ANXA7: variants seen among roughly 807,000 people sequenced by gnomAD.
ANXA7 encodes the protein annexin VII.
A neutral mutation model predicts 64.9 loss-of-function variants in ANXA7; 55 were observed. The observed-to-expected ratio is 0.85, with a 90% CI of 0.68 to 1.06. The LOEUF is 1.06. ANXA7 is among the 50% of genes least tolerant of loss of function. The probability of loss-of-function intolerance (pLI) is 0.00; values close to 1 mark genes in which losing one functional copy is unlikely to be tolerated. For synonymous variants in ANXA7, 200 were observed against 192.4 expected, an observed-to-expected ratio of 1.04 and a Z score of -0.33; for missense variants, 548 against 582.1, an observed-to-expected ratio of 0.94 and a Z score of 0.60.
At chr10:73,378,442 G>C (rs900039460) in intron 12 of ANXA7, among the ~76,000 whole-genome samples, 21 of 149,758 alleles carry the variant, frequency 1.4e-4, no homozygotes, top group African/African-American at 5.2e-4. Context: ...TTTTTTGTAA[G>C]TGGAGTAAAT....
At chr10:73,378,816 C>A in intron 12 of ANXA7, 95 bp downstream of exon 12, 1 of 874,408 alleles carries the variant, frequency 1.1e-6, no homozygotes, top group South Asian at 1.5e-5. Context: ...TCTTTCTTAT[C>A]ATTTTTGAGG....
chr10:73,409,148 G>T (rs940801378), intron 1 of ANXA7, among the ~76,000 whole-genome samples: 9 of 152,190 alleles, frequency 5.9e-5, no homozygotes, highest in Non-Finnish European at 8.8e-5. Flanking sequence ...ATTCGACATA[G>T]TTCTGGAAGT....
chr10:73,377,069 A>T (rs1207512541), intron 12 of ANXA7, among the ~76,000 whole-genome samples: 2 of 152,214 alleles, frequency 1.3e-5, no homozygotes, highest in Non-Finnish European at 2.9e-5. Flanking sequence ...AAGTTGAAAA[A>T]ACATCTGAAG....
chr10:73,401,072 A>G (rs1008216376), intron 1 of ANXA7, among the ~76,000 whole-genome samples: 3 of 151,790 alleles, frequency 2.0e-5, no homozygotes, highest in Admixed American at 1.3e-4. Flanking sequence ...TGCCCAGCTA[A>G]TTTTTATATT....
chr10:73,401,247 A>T lies in ANXA7; in HGVS notation c.-1-390T>A, dbSNP rs1589662333. The stretch of plus-strand genomic sequence containing the variant: ...TTAAGGCCTTTGAAAACATACAGAT[A>T]TACACACACATACACAACACACACA... On this transcript the variant is annotated intron_variant, in intron 1 of 12. Transcript: ENST00000372921. Among the ~76,000 whole-genome samples, 3 of 140,784 alleles carry T rather than the reference A, an allele frequency of 2.1e-5. No homozygotes were observed. In the East Asian group the frequency reaches 6.6e-4, roughly 31 times the overall value. 92.4% of individuals were successfully genotyped at this position (140,784 alleles called of 152,430 possible).
chr10:73,395,126 A>G (rs1171688768), intron 5 of ANXA7, among the ~76,000 whole-genome samples: 4 of 152,230 alleles, frequency 2.6e-5, no homozygotes, highest in African/African-American at 4.8e-5. Flanking sequence ...GCAACTTTGT[A>G]TAAGAGAGAG....
chr10:73,390,641 C>T (rs1342053331), intron 5 of ANXA7, among the ~76,000 whole-genome samples: 2 of 147,796 alleles, frequency 1.4e-5, no homozygotes, highest in African/African-American at 2.5e-5. Context: ...ATAAACTAAC[C>T]CTCACTGTGT....
intron 6 of ANXA7, 117 bp from the exon 7 acceptor site, chr10:73,387,900 C>T: frequency 1.3e-6 from 1 of 787,472 alleles, no homozygotes; most frequent in South Asian, 1.6e-5. Context: ...ACTGGGGGTG[C>T]AAGTGCAATG....
intron 12 of ANXA7, among the ~76,000 whole-genome samples, chr10:73,377,932 C>A (rs527294474): frequency 7.9e-6 from 1 of 126,732 alleles, no homozygotes; most frequent in Non-Finnish European, 1.7e-5. Context: ...TGTGTGTGTG[C>A]GCGCGCGTGT....
chr10:73,413,133 A>C (rs1458395405), intron 1 of ANXA7, among the ~76,000 whole-genome samples: 1 of 152,334 alleles, frequency 6.6e-6, no homozygotes, highest in African/African-American at 2.4e-5. Context: ...CTGCACGGAC[A>C]GGTAGGTAGC....
intron 9 of ANXA7, among the ~76,000 whole-genome samples, chr10:73,381,936 T>C (rs1453115050): frequency 6.6e-6 from 1 of 151,884 alleles, no homozygotes; most frequent in Non-Finnish European, 1.5e-5. Flanking sequence ...TGGAGTGCAA[T>C]GGCACAATCT....
intron 1 of ANXA7, among the ~76,000 whole-genome samples, 167 bp downstream of exon 1, chr10:73,413,845 G>A (rs534330841): frequency 1.3e-5 from 2 of 152,306 alleles, no homozygotes; most frequent in South Asian, 2.1e-4. Flanking sequence ...CACCCCGGCC[G>A]GCAGCCCGGC....
intron 11 of ANXA7, 154 bp downstream of exon 11, chr10:73,379,725 A>T: frequency 1.4e-6 from 1 of 740,446 alleles, no homozygotes; most frequent in Non-Finnish European, 2.3e-6. Flanking sequence ...CCAATAAAGA[A>T]AACAAACAAC....
At chr10:73,409,732 A>C (rs1352220889) in intron 1 of ANXA7, among the ~76,000 whole-genome samples, 1 of 152,198 alleles carries the variant, frequency 6.6e-6, no homozygotes, top group Non-Finnish European at 1.5e-5. Context: ...AAAAAGACAA[A>C]TCTGGAGACA....
chr10:73,381,998 C>A (rs1412396580), intron 9 of ANXA7, among the ~76,000 whole-genome samples: 5 of 152,090 alleles, frequency 3.3e-5, no homozygotes, highest in Non-Finnish European at 7.4e-5. Flanking sequence ...GCTGCCTCAG[C>A]CTCCCAGGTA....
At chr10:73,398,538 T>A (rs569472968) in intron 2 of ANXA7, among the ~76,000 whole-genome samples, 153 bp from the exon 3 acceptor site, 1 of 152,348 alleles carries the variant, frequency 6.6e-6, no homozygotes, top group African/African-American at 2.4e-5. Flanking sequence ...TATACTAGTT[T>A]ATCAGTATAC....
chr10:73,378,169 G>A (rs1354248439), intron 12 of ANXA7, among the ~76,000 whole-genome samples: 2 of 151,700 alleles, frequency 1.3e-5, no homozygotes, highest in African/African-American at 2.4e-5. Context: ...GAGGTCAGGA[G>A]TTCGAGACCA....
chr10:73,409,422 A>G (rs2055806587), intron 1 of ANXA7, among the ~76,000 whole-genome samples: 1 of 152,186 alleles, frequency 6.6e-6, no homozygotes, highest in Non-Finnish European at 1.5e-5. Context: ...AATAGCTGCA[A>G]AAATAAAAAA....
At chr10:73,387,667 A>G in intron 7 of ANXA7, 22 bp downstream of exon 7, 1 of 1,584,782 alleles carries the variant, frequency 6.3e-7, no homozygotes, top group Non-Finnish European at 8.7e-7. Flanking sequence ...GCTGGTGCTC[A>G]TTCCAGGAAA....
Sources: allele counts gnomAD v4.1 joint callset (sites outside exome capture counted in the v4.1 genomes callset), GRCh38; gene constraint gnomAD v4.1.1; transcripts MANE v1.5; gene names NCBI Gene and HGNC (gene_info 2026-07-23, HGNC 2026-07-21).